Variants in PRIM2 observed in about 807,000 individuals in gnomAD.
PRIM2 encodes DNA primase large subunit.
Under a neutral mutation model 67.3 loss-of-function variants are expected in PRIM2, and 39 were observed. The observed-to-expected ratio is 0.58, with a 90% CI of 0.45 to 0.76. PRIM2 has a LOEUF of 0.76. Among genes scored for constraint, PRIM2 ranks in the 30% least tolerant of loss-of-function variants. The pLI, the probability that PRIM2 is intolerant of heterozygous loss-of-function variation, is 0.00. For synonymous variants in PRIM2, 143 were observed against 198.7 expected (o/e 0.72, Z 2.36); for missense variants, 398 against 598.7 (o/e 0.66, Z 3.50).
At chr6:57,590,214 C>G (rs1400561404) in intron 10 of PRIM2, among the ~76,000 whole-genome samples, 1 of 151,018 alleles carries the variant, frequency 6.6e-6, no homozygotes, top group Non-Finnish European at 1.5e-5. Flanking sequence ...ACCCAAAAAG[C>G]AAGCAGACTG....
the PRIM2 span, among the ~76,000 whole-genome samples, chr6:57,289,224 A>G: frequency 3.6e-3 from 546 of 152,334 alleles, 5 homozygotes; most frequent in African/African-American, 0.012. Flanking sequence ...GATCAAATTA[A>G]TGAAATAAAG....
At position 57,391,444 on chromosome 6, in the gene PRIM2, C is replaced by T. The variant is rs571301260; in HGVS notation, c.693+9276C>T. Among the ~76,000 whole-genome samples the T allele has an allele frequency of 3.3e-5, 5 of 151,874 alleles. No homozygotes were observed. The South Asian group carries it at 1.0e-3, about 32-fold the overall frequency. On this transcript the variant is annotated intron_variant, in intron 7 of 13. Coordinates refer to ENST00000615550, the MANE Select transcript of PRIM2 (RefSeq NM_000947.5). The stretch of plus-strand genomic sequence containing the variant: ...CTTTGTCATGAAATTTTTGCCCATT[C>T]CTATGTCCAGATGGTATTGCCTAAG...
intron 8 of PRIM2, among the ~76,000 whole-genome samples, chr6:57,515,571 A>G (rs1774468526): frequency 3.3e-5 from 5 of 152,204 alleles, no homozygotes; most frequent in Admixed American, 3.3e-4. Context: ...AAAGCTTATT[A>G]GCGTGTGTAG....
intron 5 of PRIM2, among the ~76,000 whole-genome samples, chr6:57,346,663 C>T (rs950478690): frequency 9.9e-5 from 15 of 152,164 alleles, no homozygotes; most frequent in Non-Finnish European, 2.1e-4. Context: ...ATCTTTCCCT[C>T]TTTCCTCCAA....
chr6:57,506,843 A>C (rs1774261002), intron 7 of PRIM2, among the ~76,000 whole-genome samples: 1 of 152,004 alleles, frequency 6.6e-6, no homozygotes, highest in Non-Finnish European at 1.5e-5. Flanking sequence ...TCATATTTCA[A>C]TATTAAATAC....
At chr6:57,372,127 G>C (rs77478668) in intron 5 of PRIM2, among the ~76,000 whole-genome samples, 1 of 152,084 alleles carries the variant, frequency 6.6e-6, no homozygotes, top group Non-Finnish European at 1.5e-5. Context: ...ACTTCTCATG[G>C]CATCTAGTTG....
intron 5 of PRIM2, among the ~76,000 whole-genome samples, chr6:57,354,488 G>GGATTCTAACTGATAAACTCACCGTTTC (rs1295948078): frequency 5.3e-5 from 8 of 151,714 alleles, no homozygotes; most frequent in Non-Finnish European, 1.2e-4. Flanking sequence ...AGGTTTAAAG[G>GGATTCTAACTGATAAACTCACCGTTTC]GATTCTAACT....
the PRIM2 span, among the ~76,000 whole-genome samples, chr6:57,247,613 C>A: frequency 6.6e-6 from 1 of 152,148 alleles, no homozygotes; most frequent in African/African-American, 2.4e-5. Flanking sequence ...AGAAGAGATG[C>A]AAATGTTCTC....
intron 4 of PRIM2, among the ~76,000 whole-genome samples, chr6:57,325,286 T>C (rs1262883415): frequency 1.4e-5 from 2 of 147,476 alleles, no homozygotes; most frequent in African/African-American, 5.0e-5. Context: ...TCTTTTTTTT[T>C]TCTCTTTTCT....
intron 8 of PRIM2, among the ~76,000 whole-genome samples, chr6:57,511,657 TAGTC>T (rs1254388555): frequency 3.3e-5 from 5 of 152,214 alleles, no homozygotes; most frequent in Admixed American, 2.0e-4. Flanking sequence ...GTTTTATTCT[TAGTC>T]AGCTTTCTCA....
chr6:57,446,418 C>CTTGTTTTTTTTTTTTTTTTTT (rs1772366659), intron 7 of PRIM2, among the ~76,000 whole-genome samples: 1 of 83,814 alleles, frequency 1.2e-5, no homozygotes, highest in Non-Finnish European at 2.3e-5. Context: ...CACGCCACTT[C>CTTGTTTTTTTTTTTTTTTTTT]TTTTTTTTTT....
chr6:57,288,511 C>T, the PRIM2 span, among the ~76,000 whole-genome samples: 1 of 152,168 alleles, frequency 6.6e-6, no homozygotes, highest in Non-Finnish European at 1.5e-5. Flanking sequence ...CCCTGACCCC[C>T]GTGTAGCCTG....
the PRIM2 span, among the ~76,000 whole-genome samples, chr6:57,229,697 G>C: frequency 6.6e-6 from 1 of 152,004 alleles, no homozygotes; most frequent in Non-Finnish European, 1.5e-5. Context: ...TCACCATGTT[G>C]GCCAGGCTGA....
chr6:57,406,865 C>T (rs575861516), intron 7 of PRIM2, among the ~76,000 whole-genome samples: 2 of 151,938 alleles, frequency 1.3e-5, no homozygotes, highest in Non-Finnish European at 1.5e-5. Context: ...GCTCTGGTTG[C>T]GGTTGTCCCT....
intron 5 of PRIM2, among the ~76,000 whole-genome samples, chr6:57,366,647 A>G (rs1769371474): frequency 6.6e-6 from 1 of 152,150 alleles, no homozygotes; most frequent in Admixed American, 6.5e-5. Flanking sequence ...TGATGTCGAC[A>G]AGATTTGGAT....
chr6:57,222,819 G>A, the PRIM2 span, among the ~76,000 whole-genome samples: 1 of 152,188 alleles, frequency 6.6e-6, no homozygotes, highest in Non-Finnish European at 1.5e-5. Flanking sequence ...TGTTGGCCAG[G>A]ATGTAGAGTA....
chr6:57,447,621 A>C (rs1363855669), intron 7 of PRIM2, among the ~76,000 whole-genome samples: 3 of 152,204 alleles, frequency 2.0e-5, no homozygotes, highest in Admixed American at 6.5e-5. Context: ...ATAGAAATAA[A>C]CTTGACTAGG....
chr6:57,636,130 A>G (rs1777116826), intron 13 of PRIM2, among the ~76,000 whole-genome samples: 2 of 152,180 alleles, frequency 1.3e-5, no homozygotes, highest in African/African-American at 4.8e-5. Context: ...AATAATGCAC[A>G]AAACATAATT....
chr6:57,482,529 A>C (rs1773653345), intron 7 of PRIM2, among the ~76,000 whole-genome samples: 1 of 152,188 alleles, frequency 6.6e-6, no homozygotes, highest in Non-Finnish European at 1.5e-5. Context: ...GGTATATGCA[A>C]AGGCCAAATC....
Sources: allele counts gnomAD v4.1 joint callset (sites outside exome capture counted in the v4.1 genomes callset), GRCh38; gene constraint gnomAD v4.1.1; transcripts MANE v1.5; gene names NCBI Gene and HGNC (gene_info 2026-07-23, HGNC 2026-07-21).